The following TRAPPC9 variants were observed in gnomAD, a reference collection of about 807,000 sequenced individuals.
TRAPPC9 encodes trafficking protein particle complex subunit 9, also known as IKK2 binding protein.
In TRAPPC9, 83 loss-of-function variants were observed where a neutral mutation model predicts 124.0. The ratio of observed to expected loss-of-function variants is 0.67; its 90% CI spans 0.56 to 0.80. The LOEUF is 0.80. TRAPPC9 is among the 30% of genes least tolerant of loss of function. The pLI is 0.00. For synonymous variants in TRAPPC9, 638 were observed against 617.5 expected, an observed-to-expected ratio of 1.03 and a Z score of -0.49; for missense variants, 1,302 against 1,508.3, an observed-to-expected ratio of 0.86 and a Z score of 2.27.
chr8:140,424,640 C>CA (rs60819949), intron 5 of TRAPPC9, among the ~76,000 whole-genome samples: 1,928 of 63,886 alleles, frequency 0.03, 14 homozygotes, highest in Middle Eastern at 0.056. Flanking sequence ...AACCTGTCTC[C>CA]AAAAAAAAAA....
chr8:140,000,654 G>A (rs1838331297), intron 18 of TRAPPC9, among the ~76,000 whole-genome samples: 1 of 152,214 alleles, frequency 6.6e-6, no homozygotes, highest in South Asian at 2.1e-4. Context: ...CTGGTCATCA[G>A]AGAAATGCAA....
At chr8:140,116,170 A>T (rs2060883485) in intron 17 of TRAPPC9, among the ~76,000 whole-genome samples, 1 of 152,098 alleles carries the variant, frequency 6.6e-6, no homozygotes, top group Admixed American at 6.5e-5. Flanking sequence ...CTGATGGGCG[A>T]AGGGGGTAAA....
At chr8:140,304,444 G>A (rs1404061640) in intron 10 of TRAPPC9, among the ~76,000 whole-genome samples, 11 of 152,004 alleles carry the variant, frequency 7.2e-5, no homozygotes. Context: ...CCGGGCATAG[G>A]ACGTTGAAGT....
chr8:140,219,011 G>A (rs2063270018), intron 17 of TRAPPC9, among the ~76,000 whole-genome samples: 1 of 152,002 alleles, frequency 6.6e-6, no homozygotes, highest in Non-Finnish European at 1.5e-5. Flanking sequence ...AGTCAGGGAA[G>A]GTAACACTGC....
intron 21 of TRAPPC9, among the ~76,000 whole-genome samples, chr8:139,876,334 C>G (rs2131066048): frequency 6.6e-6 from 1 of 152,324 alleles, no homozygotes; most frequent in Non-Finnish European, 1.5e-5. Context: ...AACACCCAGA[C>G]ACCATGGGAT....
intron 21 of TRAPPC9, among the ~76,000 whole-genome samples, chr8:139,755,524 G>A (rs1819673667): frequency 2.2e-5 from 3 of 138,938 alleles, no homozygotes; most frequent in Admixed American, 7.2e-5. Context: ...GGTCGCAGGA[G>A]GAGCCAGGGT....
intron 21 of TRAPPC9, among the ~76,000 whole-genome samples, chr8:139,833,446 T>C: frequency 6.6e-6 from 1 of 152,240 alleles, no homozygotes; most frequent in East Asian, 1.9e-4. Context: ...CTCTGGCTGA[T>C]GACCCAGCTT....
intron 20 of TRAPPC9, among the ~76,000 whole-genome samples, chr8:139,902,046 T>C (rs1831052211): frequency 6.6e-6 from 1 of 152,174 alleles, no homozygotes; most frequent in African/African-American, 2.4e-5. Flanking sequence ...ACAATAATCA[T>C]CACGCTAAAA....
At chr8:140,331,966 A>C (rs2066904716) in intron 9 of TRAPPC9, among the ~76,000 whole-genome samples, 1 of 152,212 alleles carries the variant, frequency 6.6e-6, no homozygotes. Flanking sequence ...CAGCAATCCC[A>C]CTGCTGGGAT....
intron 17 of TRAPPC9, among the ~76,000 whole-genome samples, chr8:140,179,020 C>T (rs1293428056): frequency 6.6e-6 from 1 of 152,074 alleles, no homozygotes; most frequent in East Asian, 1.9e-4. Context: ...GCTAGAGGTG[C>T]ATGCATTTTA....
chr8:140,200,567 C>T (rs1007300263), intron 17 of TRAPPC9, among the ~76,000 whole-genome samples: 1 of 152,114 alleles, frequency 6.6e-6, no homozygotes, highest in Non-Finnish European at 1.5e-5. Flanking sequence ...AAGAAGGGCA[C>T]GTCGACTCCT....
At chr8:140,285,005 T>A (rs1588093256) in intron 13 of TRAPPC9, among the ~76,000 whole-genome samples, 1 of 152,258 alleles carries the variant, frequency 6.6e-6, no homozygotes, top group Non-Finnish European at 1.5e-5. Flanking sequence ...GCCATTATTT[T>A]GCAATTCTTA....
At chr8:139,886,918 G>A (rs1006750462) in intron 20 of TRAPPC9, among the ~76,000 whole-genome samples, 50 of 152,330 alleles carry the variant, frequency 3.3e-4, no homozygotes, top group African/African-American at 1.2e-3. Flanking sequence ...GCAGTCTGAG[G>A]TAGAATGGAG....
At chr8:140,261,280 A>T (rs1052269400) in intron 15 of TRAPPC9, among the ~76,000 whole-genome samples, 5 of 152,180 alleles carry the variant, frequency 3.3e-5, no homozygotes, top group Non-Finnish European at 7.4e-5. Context: ...CACAGCCTTA[A>T]AATATCCTCA....
At chr8:140,086,688 G>A (rs145416227) in intron 17 of TRAPPC9, among the ~76,000 whole-genome samples, 302 of 152,256 alleles carry the variant, frequency 2.0e-3, no homozygotes, top group African/African-American at 6.6e-3. Context: ...TTGGGCGGCC[G>A]AGGCTTGGGA....
chr8:140,259,871 C>T (rs139989728), intron 15 of TRAPPC9, among the ~76,000 whole-genome samples: 4 of 152,348 alleles, frequency 2.6e-5, no homozygotes, highest in African/African-American at 9.6e-5. Context: ...GCAGAACACA[C>T]ACGTGTGCCC....
intron 17 of TRAPPC9, among the ~76,000 whole-genome samples, chr8:140,077,864 T>C (rs150357391): frequency 0.016 from 2,435 of 152,138 alleles, 30 homozygotes; most frequent in South Asian, 0.041. Flanking sequence ...GGAGAGGAGA[T>C]GGAAAAGGCT....
At chr8:140,306,298 A>C (rs2066132443) in intron 10 of TRAPPC9, among the ~76,000 whole-genome samples, 1 of 152,126 alleles carries the variant, frequency 6.6e-6, no homozygotes, top group African/African-American at 2.4e-5. Context: ...GTTTGAGACC[A>C]GCCTGGCGAA....
intron 17 of TRAPPC9, among the ~76,000 whole-genome samples, chr8:140,210,676 C>G (rs1375296997): frequency 6.6e-6 from 1 of 152,220 alleles, no homozygotes; most frequent in Non-Finnish European, 1.5e-5. Context: ...GATGAAGGCA[C>G]TGCCTGTCCC....
Sources: gnomAD v4.1 joint callset for allele counts (sites outside exome capture counted in the v4.1 genomes callset) on GRCh38, gnomAD v4.1.1 for gene constraint, MANE v1.5 for transcripts, NCBI Gene and HGNC (gene_info 2026-07-23, HGNC 2026-07-21) for gene names.